MPRIP: variants seen among roughly 807,000 people sequenced by gnomAD.
The protein encoded by MPRIP is myosin phosphatase Rho interacting protein.
Under a neutral mutation model 234.9 loss-of-function variants are expected in MPRIP, and 59 were observed. The ratio of observed to expected loss-of-function variants is 0.25; its 90% confidence interval spans 0.20 to 0.31. MPRIP has a LOEUF of 0.31. Among genes scored for constraint, MPRIP ranks in the 10% least tolerant of loss-of-function variants. The probability of loss-of-function intolerance (pLI) is 1.00; values close to 1 mark genes in which losing one functional copy is unlikely to be tolerated. For missense variants in MPRIP, 2,436 were observed against 3,071.0 expected, an observed-to-expected ratio of 0.79 and a Z score of 4.89; for synonymous variants, 1,144 against 1,263.9, an observed-to-expected ratio of 0.91 and a Z score of 2.01.
intron 10 of MPRIP, 58 bp downstream of exon 10, chr17:17,146,150 C>T (rs1339595423): frequency 2.0e-6 from 3 of 1,511,496 alleles, no homozygotes; most frequent in Non-Finnish European, 2.8e-6. Flanking sequence ...TGAGGGTGAG[C>T]TGTCCTTGTC....
rs2089789397 is a variant in MPRIP, at chr17:17,094,318, G to A, written c.267+16242G>A. On this transcript the variant is annotated intron_variant, in intron 3 of 23. Transcript: ENST00000651222. ...AATTTTCCTTGGAATTTTGAAGGTG[G>A]TGTTCATTTTTTAACTTTATCATTG... 2.6e-5 allele frequency among the ~76,000 whole-genome samples: 4 copies of A among 152,122 alleles called. No individual in the cohort carries two copies. In the South Asian group the frequency reaches 8.3e-4, roughly 31 times the overall value.
chr17:17,101,159 G>A (rs1220963047), intron 3 of MPRIP, among the ~76,000 whole-genome samples: 3 of 152,176 alleles, frequency 2.0e-5, no homozygotes, highest in Non-Finnish European at 4.4e-5. Flanking sequence ...TCTGAGCAAG[G>A]GAGAGCCTTG....
intron 20 of MPRIP, among the ~76,000 whole-genome samples, chr17:17,175,957 T>C (rs1022940896): frequency 2.6e-5 from 4 of 152,202 alleles, no homozygotes; most frequent in Non-Finnish European, 5.9e-5. Flanking sequence ...GCAGTGACAC[T>C]GAGAGGCCAA....
chr17:17,113,964 C>T (rs2144307142), intron 3 of MPRIP, among the ~76,000 whole-genome samples: 1 of 148,404 alleles, frequency 6.7e-6, no homozygotes, highest in Non-Finnish European at 1.5e-5. Flanking sequence ...GCCATCACAG[C>T]TCACTGCAAC....
intron 23 of MPRIP, chr17:17,181,685 T>A (rs2046376908): frequency 6.6e-6 from 1 of 152,244 alleles, no homozygotes; most frequent in South Asian, 2.1e-4. Flanking sequence ...GAGCTTTTCT[T>A]GAAGGAGTTT....
At chr17:17,067,053 A>G (rs1037285729) in intron 1 of MPRIP, among the ~76,000 whole-genome samples, 1 of 152,098 alleles carries the variant, frequency 6.6e-6, no homozygotes, top group Non-Finnish European at 1.5e-5. Context: ...CACCACACCC[A>G]GCCATAAATA....
At chr17:17,136,977 G>A (rs1490767017) in intron 6 of MPRIP, among the ~76,000 whole-genome samples, 1 of 152,136 alleles carries the variant, frequency 6.6e-6, no homozygotes, top group East Asian at 1.9e-4. Context: ...TGTCTGTCTT[G>A]TTCCCAGGCT....
chr17:17,174,985 C>T (rs766477859), intron 19 of MPRIP, among the ~76,000 whole-genome samples: 49 of 152,184 alleles, frequency 3.2e-4, no homozygotes, highest in Admixed American at 5.9e-4. Flanking sequence ...GTCCCTTTCT[C>T]ACCTGAGGCC....
intron 5 of MPRIP, among the ~76,000 whole-genome samples, chr17:17,133,635 A>C (rs1289460240): frequency 6.6e-6 from 1 of 152,200 alleles, no homozygotes; most frequent in Non-Finnish European, 1.5e-5. Flanking sequence ...TGTTGTGCCC[A>C]GTAAGAATCA....
At chr17:17,072,987 A>G (rs527481642) in intron 1 of MPRIP, among the ~76,000 whole-genome samples, 67 of 152,174 alleles carry the variant, frequency 4.4e-4, no homozygotes, top group African/African-American at 1.6e-3. Context: ...ATACAATTCT[A>G]TGATTTTTAG....
At chr17:17,065,541 G>C (rs1567691232) in intron 1 of MPRIP, among the ~76,000 whole-genome samples, 1 of 151,988 alleles carries the variant, frequency 6.6e-6, no homozygotes. Flanking sequence ...CCATGTGTCT[G>C]ACTTTCCACC....
chr17:17,137,924 G>T lies in MPRIP; in HGVS notation c.745G>T (p.Ala249Ser). Residue 249 changes from alanine to serine, a missense_variant, in exon 7 of 24, where the codon GCC becomes TCC. By Grantham distance (99) the Ala-to-Ser change is moderately conservative. This residue lies in a region of MPRIP where 267 missense variants were observed against 252.7 expected (regional missense o/e 1.06). Transcript: ENST00000651222. ...PGLESKEEES[A>S]MSSDRMDCGR... Reference sequence around the variant, plus strand: ...CCCACTGTCTCTTCCAGAGGAGAGCGCCATGAGTAGCGACCGCATGGACTG... The same window carrying T: ...CCCACTGTCTCTTCCAGAGGAGAGCTCCATGAGTAGCGACCGCATGGACTG... The T allele has an allele frequency of 6.2e-7, 1 of 1,604,044 alleles. No homozygotes were observed.
At chr17:17,065,024 A>G (rs969170714) in intron 1 of MPRIP, among the ~76,000 whole-genome samples, 1 of 152,160 alleles carries the variant, frequency 6.6e-6, no homozygotes, top group South Asian at 2.1e-4. Flanking sequence ...TTTTTTAGCC[A>G]TTATAAAATA....
chr17:17,068,055 G>A (rs1331472913), intron 1 of MPRIP, among the ~76,000 whole-genome samples: 1 of 151,978 alleles, frequency 6.6e-6, no homozygotes, highest in Non-Finnish European at 1.5e-5. Flanking sequence ...GATGTCTGCA[G>A]AATCTGTGAT....
In MPRIP at chr17:17,164,285, G is replaced by C. The variant is rs1177585212; in HGVS notation, c.2694G>C (p.Glu898Asp). 1.5e-6 allele frequency: 2 copies of C among 1,304,124 alleles called. No individual in the cohort carries two copies. The highest frequency in any genetic ancestry group is 2.3e-5 in the Admixed American group (1 of 43,560). The allele number at this position is 1,304,124 out of a possible 1,614,324, so 80.8% of individuals were successfully genotyped here. A position where few individuals can be genotyped will look rare whatever the true frequency, so the allele number is the denominator to read the frequency against. Reference sequence around the variant, plus strand: ...ACACGATCCGGCACCACGAGGCTGAGATCCGGAGCCTTCAGGCACGGCTCA... The same window carrying C: ...ACACGATCCGGCACCACGAGGCTGACATCCGGAGCCTTCAGGCACGGCTCA... Reference protein sequence around the residue: ...AKDTIRHHEAEIRSLQARLSN... With the variant: ...AKDTIRHHEADIRSLQARLSN... The change falls in exon 16 of 24, where the codon GAG (glutamate) becomes GAC (aspartate). Residue 898 changes from glutamate to aspartate, a missense_variant. Glu to Asp is a conservative substitution (Grantham distance 45). Around this residue, in one of 4 missense-constraint regions of MPRIP, gnomAD observed 1,998 missense variants for 2,520.3 expected, o/e 0.79. Coordinates refer to ENST00000651222, the MANE Select transcript of MPRIP (RefSeq NM_001364716.4).
intron 3 of MPRIP, among the ~76,000 whole-genome samples, chr17:17,103,972 A>G (rs930288568): frequency 2.0e-5 from 3 of 152,166 alleles, no homozygotes; most frequent in Non-Finnish European, 2.9e-5. Context: ...GCTTTTTCCC[A>G]AAGGAAAGGA....
At chr17:17,110,694 G>A (rs1159175280) in intron 3 of MPRIP, among the ~76,000 whole-genome samples, 2 of 152,188 alleles carry the variant, frequency 1.3e-5, no homozygotes, top group South Asian at 2.1e-4. Context: ...CACCTCTATG[G>A]TTGTCCTCCC....
intron 3 of MPRIP, among the ~76,000 whole-genome samples, chr17:17,090,804 G>T (rs1242277923): frequency 6.6e-6 from 1 of 152,208 alleles, no homozygotes; most frequent in Admixed American, 6.5e-5. Context: ...TGAGCCACAG[G>T]TTGGAGACCT....
In MPRIP at chr17:17,175,400, C is replaced by G; in HGVS notation, c.6858C>G (p.Ala2286=). 6.2e-7 allele frequency: 1 copy of G among 1,610,508 alleles called. No individual in the cohort carries two copies. The highest frequency in any genetic ancestry group is 8.5e-7 in the Non-Finnish European group (1 of 1,178,596). ...TGSPLAQGKD[A]YELEVLLRVK... is the part of the protein sequence containing the mutation. ...CACCCCTTGCACAGGGCAAGGATGC[C>G]TATGAACTAGAGGTACCATCAGGAG... Residue 2286 remains alanine (A), a synonymous_variant, in exon 20 of 24, where the codon GCC becomes GCG. Transcript: ENST00000651222.
Sources: gnomAD v4.1 joint callset for allele counts (sites outside exome capture counted in the v4.1 genomes callset) on GRCh38, gnomAD v4.1.1 for gene constraint, gnomAD v4.1.1 regional missense constraint, MANE v1.5 for transcripts, NCBI Gene and HGNC (gene_info 2026-07-23, HGNC 2026-07-21) for gene names.